Variants in DPYD observed in about 807,000 individuals in gnomAD.
DPYD encodes dihydropyrimidine dehydrogenase [NADP(+)].
A neutral mutation model predicts 116.2 loss-of-function variants in DPYD; 109 were observed. That is an observed-to-expected ratio of 0.94 (90% confidence interval 0.80 to 1.10). The LOEUF is 1.10. Ranked by LOEUF, DPYD falls within the 50% of genes least tolerant of loss-of-function variation. The pLI is 0.00. For synonymous variants in DPYD, 440 were observed against 432.0 expected (o/e 1.02, Z -0.23); for missense variants, 1,302 against 1,254.5 (o/e 1.04, Z -0.57).
At chr1:97,665,264 T>A (rs1659495109) in intron 8 of DPYD, among the ~76,000 whole-genome samples, 1 of 151,962 alleles carries the variant, frequency 6.6e-6, no homozygotes, top group Non-Finnish European at 1.5e-5. Flanking sequence ...TGTGCCAGAG[T>A]GGTTTGCTTT....
intron 11 of DPYD, among the ~76,000 whole-genome samples, chr1:97,552,313 C>A (rs920430417): frequency 6.6e-6 from 1 of 152,070 alleles, no homozygotes; most frequent in African/African-American, 2.4e-5. Flanking sequence ...AATTGAAGTT[C>A]TTGAAGAATG....
intron 7 of DPYD, among the ~76,000 whole-genome samples, chr1:97,681,331 G>A (rs1660416228): frequency 6.6e-6 from 1 of 152,080 alleles, no homozygotes; most frequent in Non-Finnish European, 1.5e-5. Flanking sequence ...CTACTAAAAA[G>A]GTTGTGTTTC....
At chr1:97,910,849 C>T (rs993379991) in intron 1 of DPYD, among the ~76,000 whole-genome samples, 1 of 152,012 alleles carries the variant, frequency 6.6e-6, no homozygotes, top group African/African-American at 2.4e-5. Flanking sequence ...TCTCATGATA[C>T]ATTAGCATCT....
intron 3 of DPYD, among the ~76,000 whole-genome samples, chr1:97,771,150 T>C (rs569044862): frequency 6.6e-6 from 1 of 152,188 alleles, no homozygotes; most frequent in East Asian, 1.9e-4. Flanking sequence ...AAACCCCGCC[T>C]CTACTAAAAA....
At chr1:97,671,879 T>G (rs1659878127) in intron 8 of DPYD, among the ~76,000 whole-genome samples, 1 of 150,554 alleles carries the variant, frequency 6.6e-6, no homozygotes, top group Admixed American at 6.6e-5. Flanking sequence ...TAAACTTTTC[T>G]TTTCTTTTCT....
chr1:97,592,292 T>C (rs1654576899), intron 10 of DPYD, among the ~76,000 whole-genome samples: 1 of 152,184 alleles, frequency 6.6e-6, no homozygotes, highest in African/African-American at 2.4e-5. Context: ...AAGTGTGTAG[T>C]ACATGTAAAT....
chr1:97,139,086 T>C (rs939345616), intron 20 of DPYD, among the ~76,000 whole-genome samples: 2 of 152,204 alleles, frequency 1.3e-5, no homozygotes, highest in African/African-American at 2.4e-5. Flanking sequence ...TATTTCTTTT[T>C]TAAGTTTTTG....
chr1:97,720,043 T>C, intron 5 of DPYD: 1 of 984,918 alleles, frequency 1.0e-6, no homozygotes, highest in Non-Finnish European at 1.2e-6. Context: ...GAATGAGTGG[T>C]AGAACCAAGT....
At chr1:97,449,929 A>G in intron 14 of DPYD, 130 bp downstream of exon 14, 2 of 1,220,522 alleles carry the variant, frequency 1.6e-6, no homozygotes, top group Non-Finnish European at 2.3e-6. Flanking sequence ...TCTATGCATC[A>G]GCAAAGCAAC....
At chr1:97,685,328 T>C (rs1371482410) in intron 7 of DPYD, among the ~76,000 whole-genome samples, 1 of 152,172 alleles carries the variant, frequency 6.6e-6, no homozygotes, top group Non-Finnish European at 1.5e-5. Flanking sequence ...AAACTAGGTA[T>C]TGATGAACAT....
At chr1:97,379,892 C>G (rs1341307228) in intron 15 of DPYD, among the ~76,000 whole-genome samples, 1 of 152,172 alleles carries the variant, frequency 6.6e-6, no homozygotes, top group Non-Finnish European at 1.5e-5. Flanking sequence ...AAATGATGTG[C>G]TATTCCCTGT....
At chr1:97,134,482 C>T (rs896274269) in intron 20 of DPYD, among the ~76,000 whole-genome samples, 5 of 151,994 alleles carry the variant, frequency 3.3e-5, no homozygotes, top group South Asian at 2.1e-4. Flanking sequence ...TTTCCTCATA[C>T]GTGACAGGAT....
intron 3 of DPYD, among the ~76,000 whole-genome samples, chr1:97,791,253 C>T (rs1667305476): frequency 6.6e-6 from 1 of 152,178 alleles, no homozygotes; most frequent in South Asian, 2.1e-4. Flanking sequence ...ATCATTGTGA[C>T]AATCATTTCC....
chr1:97,894,231 C>T lies in DPYD; in HGVS notation c.40-10857G>A, dbSNP rs182132990. Reference sequence around the variant, plus strand: ...GAGAGGATGAGAATGAGAGAAAGCTCTCTGTAGTCTTTTCTTATAAGAAGC... The same window carrying T: ...GAGAGGATGAGAATGAGAGAAAGCTTTCTGTAGTCTTTTCTTATAAGAAGC... On this transcript the variant is annotated intron_variant, in intron 1 of 22. Coordinates refer to ENST00000370192, the MANE Select transcript of DPYD (RefSeq NM_000110.4). Among the ~76,000 whole-genome samples, 506 of 151,860 alleles carry T rather than the reference C, an allele frequency of 3.3e-3. 5 individuals carry two copies. Among genetic ancestry groups the T allele is most frequent in the Admixed American group, 8.4e-3 (127 of 15,194 alleles).
chr1:97,769,330 GC>G (rs1471648004), intron 3 of DPYD, among the ~76,000 whole-genome samples: 2 of 152,012 alleles, frequency 1.3e-5, no homozygotes, highest in Admixed American at 6.6e-5. Context: ...GTGGTAACAG[GC>G]TTCTTCTTTA....
chr1:97,595,212 T>C (rs1654796057), intron 8 of DPYD, 46 bp from the exon 9 acceptor site: 1 of 1,489,368 alleles, frequency 6.7e-7, no homozygotes, highest in East Asian at 2.3e-5. Flanking sequence ...AGGAGGGGCT[T>C]TTCCTATTAG....
Position 97,920,888 on chromosome 1 carries a change from A to G in DPYD, c.35T>C (p.Ile12Thr). The G allele has an allele frequency of 6.3e-7, 1 of 1,593,036 alleles. No homozygotes were observed. The highest frequency in any genetic ancestry group is 1.1e-5 in the South Asian group (1 of 87,362). ...GAGCCGGCGCGAAGTCCGTACCTCG[A>G]TGTCCGCCGAGTCCTTACTGAGCAC... ...APVLSKDSAD[I>T]ESILALNPRT... The change falls in exon 1 of 23, where the codon ATC becomes ACC. Residue 12 changes from isoleucine (I) to threonine (T), a missense_variant. By Grantham distance (89) the Ile-to-Thr change is moderately conservative (BLOSUM62 -1). Coordinates refer to ENST00000370192, the MANE Select transcript of DPYD (RefSeq NM_000110.4).
intron 13 of DPYD, among the ~76,000 whole-genome samples, chr1:97,486,031 G>T (rs929417178): frequency 6.6e-6 from 1 of 152,144 alleles, no homozygotes; most frequent in Non-Finnish European, 1.5e-5. Context: ...TTAACAGGAA[G>T]TTAATACAAT....
chr1:97,382,006 C>T (rs1351184764), intron 15 of DPYD, among the ~76,000 whole-genome samples: 1 of 152,142 alleles, frequency 6.6e-6, no homozygotes, highest in Non-Finnish European at 1.5e-5. Flanking sequence ...AAAATTTCTT[C>T]TCTTACTGTC....
Sources: allele counts gnomAD v4.1 joint callset (sites outside exome capture counted in the v4.1 genomes callset), GRCh38; gene constraint gnomAD v4.1.1; transcripts MANE v1.5; gene names NCBI Gene and HGNC (gene_info 2026-07-23, HGNC 2026-07-21).